The following MRTO4 variants were observed in gnomAD, a reference collection of about 807,000 sequenced individuals.
The protein encoded by MRTO4 is MRT4 homolog, ribosome maturation factor.
MRTO4 carries 7 observed loss-of-function variants against 28.6 expected under a neutral mutation model. The observed-to-expected ratio is 0.24, with a 90% CI of 0.14 to 0.46. The LOEUF (loss-of-function observed/expected upper bound fraction) is 0.46, where lower values mean the gene tolerates loss of function less well. MRTO4 is among the 20% of genes least tolerant of loss of function. The pLI is 0.99. For missense variants in MRTO4, 302 were observed against 298.3 expected (o/e 1.01, Z -0.09); for synonymous variants, 113 against 108.2 (o/e 1.04, Z -0.27).
At chr1:19,252,635 G>A (rs2093663901) in intron 1 of MRTO4, among the ~76,000 whole-genome samples, 1 of 152,068 alleles carries the variant, frequency 6.6e-6, no homozygotes, top group South Asian at 2.1e-4. Flanking sequence ...GGAGGCGGAG[G>A]TTGCAATGAG....
chr1:19,258,456 G>T, intron 6 of MRTO4, 21 bp from the exon 7 acceptor site: 1 of 1,613,076 alleles, frequency 6.2e-7, no homozygotes, highest in South Asian at 1.1e-5. Flanking sequence ...AGAGGTAACT[G>T]AGAGCCACCC....
At chr1:19,255,196 A>G (rs2093669572) in intron 2 of MRTO4, among the ~76,000 whole-genome samples, 1 of 152,040 alleles carries the variant, frequency 6.6e-6, no homozygotes, top group Non-Finnish European at 1.5e-5. Flanking sequence ...AGCCTGCCTA[A>G]TGTCAAAAAA....
At chr1:19,252,940 TG>T (rs1347118860) in intron 1 of MRTO4, among the ~76,000 whole-genome samples, 1 of 152,150 alleles carries the variant, frequency 6.6e-6, no homozygotes, top group Non-Finnish European at 1.5e-5. Flanking sequence ...ACACCCGACT[TG>T]CGCACCTCTT....
In MRTO4 at chr1:19,255,933, T is replaced by G; in HGVS notation, c.88-15T>G. On this transcript the variant is annotated splice_polypyrimidine_tract_variant and intron_variant, in intron 2 of 7. Coordinates refer to ENST00000330263, the MANE Select transcript of MRTO4 (RefSeq NM_016183.4). ...GCTGCTGCTTGAACTCAGAGCCTCG[T>G]GAATTGTCCCACAGCTTCGGAAATG... is the stretch of plus-strand genomic sequence containing the variant. The G allele has an allele frequency of 9.3e-6, 15 of 1,611,826 alleles. No homozygotes were observed. The highest frequency in any genetic ancestry group is 1.3e-5 in the Non-Finnish European group (15 of 1,178,080).
rs1394965112 is a variant in MRTO4, at chr1:19,255,948, C to G, written c.88C>G (p.Leu30Val). The change falls in exon 3 of 8, where the codon CTT becomes GTT. Residue 30 changes from leucine (L) to valine (V), a missense_variant and splice_region_variant. Physicochemically the swap from Leu to Val is conservative, Grantham distance 32 (BLOSUM62 1). Transcript: ENST00000330263. The part of the protein sequence containing the change: ...LELKQNLIEE[L>V]RKCVDTYKYL... ...CAGAGCCTCGTGAATTGTCCCACAG[C>G]TTCGGAAATGTGTGGACACCTACAA... 5.0e-6 allele frequency: 8 copies of G among 1,613,708 alleles called. No homozygotes were observed. Among genetic ancestry groups the G allele is most frequent in the Non-Finnish European group, 6.8e-6 (8 of 1,179,714 alleles).
chr1:19,257,479 T>C lies in MRTO4; in HGVS notation c.299T>C (p.Val100Ala), dbSNP rs764610980. 3.7e-6 allele frequency: 6 copies of C among 1,614,110 alleles called. No homozygotes were observed. The East Asian group carries it at 1.1e-4, about 30-fold the overall frequency. ...GTCAGCAAAAGGTTGAGGGGTGAGGTGGGTCTCCTGTTCACCAACCGCACA... is the reference window on the plus strand; with the variant it reads ...GTCAGCAAAAGGTTGAGGGGTGAGGCGGGTCTCCTGTTCACCAACCGCACA... ...HQVSKRLRGEVGLLFTNRTKE... is the reference protein window; with the variant it reads ...HQVSKRLRGEAGLLFTNRTKE... The change falls in exon 5 of 8, where the codon GTG becomes GCG. Residue 100 changes from valine (V) to alanine (A), a missense_variant. By Grantham distance (64) the Val-to-Ala change is moderately conservative. Transcript: ENST00000330263.
chr1:19,255,591 C>T (rs932701735), intron 2 of MRTO4, among the ~76,000 whole-genome samples: 6 of 152,210 alleles, frequency 3.9e-5, no homozygotes, highest in Non-Finnish European at 8.8e-5. Context: ...AGAGCAGTAC[C>T]GATCAGCTGC....
intron 2 of MRTO4, among the ~76,000 whole-genome samples, chr1:19,255,445 T>C (rs1569596634): frequency 6.7e-6 from 1 of 148,322 alleles, no homozygotes; most frequent in Non-Finnish European, 1.5e-5. Context: ...CAGGTGTAGG[T>C]GACTGCACCA....
chr1:19,253,572 T>C (rs982063449), intron 1 of MRTO4, among the ~76,000 whole-genome samples: 4 of 152,140 alleles, frequency 2.6e-5, no homozygotes, highest in African/African-American at 9.7e-5. Context: ...AGGGCAGGAA[T>C]GGAAGCAGTG....
At position 19,257,886 on chromosome 1, in the gene MRTO4, C is replaced by G; in HGVS notation, c.395C>G (p.Ala132Gly). Residue 132 changes from alanine (A) to glycine (G), a missense_variant, in exon 6 of 8, where the codon GCT becomes GGT. Coordinates refer to ENST00000330263, the MANE Select transcript of MRTO4 (RefSeq NM_016183.4). Reference sequence around the variant, plus strand: ...TACGCCCGAGCTGGTAACAAAGCAGCTTTCACTGTGAGCCTGGATCCAGGG... The same window carrying G: ...TACGCCCGAGCTGGTAACAAAGCAGGTTTCACTGTGAGCCTGGATCCAGGG... ...MDYARAGNKAAFTVSLDPGPL... is the reference protein window; with the variant it reads ...MDYARAGNKAGFTVSLDPGPL... 1 of 1,614,120 alleles carries G rather than the reference C, an allele frequency of 6.2e-7. No homozygotes were observed. The highest frequency in any genetic ancestry group is 8.5e-7 in the Non-Finnish European group (1 of 1,180,036).
intron 5 of MRTO4, 85 bp from the exon 6 acceptor site, chr1:19,257,748 G>T: frequency 6.5e-7 from 1 of 1,549,972 alleles, no homozygotes. Context: ...AAGGCCCAGG[G>T]CCACGGGACA....
intron 4 of MRTO4, 146 bp downstream of exon 4, chr1:19,257,291 C>T: frequency 8.4e-7 from 1 of 1,188,082 alleles, no homozygotes; most frequent in Non-Finnish European, 1.2e-6. Flanking sequence ...TCTCCCTTCA[C>T]CTCCGGACCC....
chr1:19,254,864 G>C, intron 2 of MRTO4, 24 bp downstream of exon 2: 1 of 1,587,030 alleles, frequency 6.3e-7, no homozygotes, highest in East Asian at 2.2e-5. Flanking sequence ...CTTTTCTAGA[G>C]CTTGCAATTG....
chr1:19,254,947 G>GAAA (rs1569595622), intron 2 of MRTO4, 107 bp downstream of exon 2: 5 of 882,216 alleles, frequency 5.7e-6, no homozygotes, highest in African/African-American at 2.3e-5. Context: ...ATACTAGTGG[G>GAAA]GAAAAAAAAA....
rs2093672530 is a variant in MRTO4 at position 19,257,149 on chromosome 1, A to G, written c.273+4A>G. The G allele has an allele frequency of 2.5e-6, 4 of 1,613,914 alleles. No individual in the cohort carries two copies. The highest frequency in any genetic ancestry group is 2.7e-5 in the African/African-American group (2 of 75,042). On this transcript the variant is annotated splice_donor_region_variant and intron_variant, in intron 4 of 7. Coordinates refer to ENST00000330263, the MANE Select transcript of MRTO4 (RefSeq NM_016183.4). ...ATACAAAGACAACCTGCACCAGGTA[A>G]GTCTCTGGCCCTCACGGGGTGGAGC...
intron 4 of MRTO4, 98 bp from the exon 5 acceptor site, chr1:19,257,356 T>C (rs1213079642): frequency 7.0e-7 from 1 of 1,422,748 alleles, no homozygotes; most frequent in African/African-American, 1.4e-5. Flanking sequence ...ACCAAAAACG[T>C]CTTTAAATGT....
intron 4 of MRTO4, 72 bp from the exon 5 acceptor site, chr1:19,257,382 G>A: frequency 3.9e-6 from 6 of 1,557,834 alleles, no homozygotes; most frequent in Non-Finnish European, 5.3e-6. Context: ...AATGTACCCG[G>A]TGAGCAAAAA....
chr1:19,252,109 C>A, intron 1 of MRTO4: 1 of 562,366 alleles, frequency 1.8e-6, no homozygotes, highest in Non-Finnish European at 3.1e-6. Flanking sequence ...CTTGCAAGGC[C>A]AACTGGGTCG....
intron 3 of MRTO4, among the ~76,000 whole-genome samples, chr1:19,256,653 A>G (rs1479526708): frequency 6.6e-6 from 1 of 152,190 alleles, no homozygotes. Flanking sequence ...CACCAGTTTT[A>G]GAATGTCAGT....
Sources: allele counts gnomAD v4.1 joint callset (sites outside exome capture counted in the v4.1 genomes callset), GRCh38; gene constraint gnomAD v4.1.1; transcripts MANE v1.5; gene names NCBI Gene and HGNC (gene_info 2026-07-23, HGNC 2026-07-21).